The following CNTNAP3 variants were observed in gnomAD, a reference collection of about 807,000 sequenced individuals.
CNTNAP3 encodes the protein contactin associated protein family member 3, also known as contactin-associated protein-like 3.
A neutral mutation model predicts 92.1 loss-of-function variants in CNTNAP3; 36 were observed. The ratio of observed to expected loss-of-function variants is 0.39; its 90% CI spans 0.30 to 0.52. CNTNAP3 has a LOEUF of 0.52. CNTNAP3 is among the 20% of genes least tolerant of loss of function. The pLI is 0.76. For synonymous variants in CNTNAP3, 232 were observed against 422.3 expected, an observed-to-expected ratio of 0.55 and a Z score of 5.53; for missense variants, 534 against 1,069.6, an observed-to-expected ratio of 0.50 and a Z score of 6.98.
chr9:39,131,682 C>G (rs894685447), intron 13 of CNTNAP3, among the ~76,000 whole-genome samples: 6 of 152,182 alleles, frequency 3.9e-5, no homozygotes, highest in Non-Finnish European at 8.8e-5. Context: ...AAAAATTAGC[C>G]GGGCATGGCG....
chr9:39,148,217 G>GA (rs1478580842), intron 10 of CNTNAP3, among the ~76,000 whole-genome samples: 2 of 152,104 alleles, frequency 1.3e-5, no homozygotes, highest in East Asian at 3.8e-4. Flanking sequence ...GGTCAAGAAT[G>GA]AGAGGTACTT....
chr9:39,133,959 C>T (rs531688247), intron 12 of CNTNAP3, among the ~76,000 whole-genome samples: 11 of 152,130 alleles, frequency 7.2e-5, no homozygotes, highest in South Asian at 4.2e-4. Flanking sequence ...AAAAATTTTC[C>T]GAACTGGAGA....
chr9:39,076,624 TTACTCTTG>T (rs1259784124), intron 23 of CNTNAP3, among the ~76,000 whole-genome samples: 1 of 152,306 alleles, frequency 6.6e-6, no homozygotes, highest in Non-Finnish European at 1.5e-5. Context: ...CACAACTAGT[TTACTCTTG>T]TATGTGCTAT....
chr9:39,132,527 C>T (rs73458411), intron 13 of CNTNAP3, among the ~76,000 whole-genome samples: 3,501 of 152,140 alleles, frequency 0.023, 140 homozygotes, highest in African/African-American at 0.079. Flanking sequence ...AGGAAACAAA[C>T]GTTCCAGGTA....
rs372596957 is a variant in CNTNAP3 at position 39,095,719 on chromosome 9, A to C, written c.2995+4192T>G. Among the ~76,000 whole-genome samples the C allele has an allele frequency of 2.6e-3, 366 of 142,454 alleles. 6 individuals carry two copies. In the South Asian group the frequency reaches 0.039, roughly 15 times the overall value. The allele number at this position is 142,454 out of a possible 152,430, so 93.5% of individuals were successfully genotyped here. On this transcript the variant is annotated intron_variant, in intron 18 of 23. Coordinates refer to ENST00000297668, the MANE Select transcript of CNTNAP3 (RefSeq NM_033655.5). ...TAGGTCTTTTAATATATTTCACGAC[A>C]ATGTTTTATTTTCTTTAGTGATTGC...
chr9:39,168,022 G>GT (rs796495690), intron 8 of CNTNAP3, among the ~76,000 whole-genome samples: 3,335 of 137,042 alleles, frequency 0.024, 179 homozygotes, highest in African/African-American at 0.08. Flanking sequence ...TTTTGTTTTT[G>GT]TTTTTTTTTT....
At position 39,109,199 on chromosome 9, in the gene CNTNAP3, C is replaced by T; in HGVS notation, c.2326G>A (p.Ala776Thr). The change falls in exon 15 of 24, where the codon GCA becomes ACA. Residue 776 changes from alanine to threonine, a missense_variant. Transcript: ENST00000297668. ...AGCAGTGGCCCCAGTGTATAAGCTG[C>T]TTCGGAATGTGGTCGGCCTGCGTCT... is the stretch of plus-strand genomic sequence containing the variant. The part of the protein sequence containing the change: ...MTDAGRPHSE[A>T]AYTLGPLLCR... 1 of 1,613,006 alleles carries T rather than the reference C, an allele frequency of 6.2e-7. No individual in the cohort carries two copies. Among genetic ancestry groups the T allele is most frequent in the Non-Finnish European group, 8.5e-7 (1 of 1,179,796 alleles).
At chr9:39,174,344 T>TG (rs1822291890) in intron 7 of CNTNAP3, 1 of 558,044 alleles carries the variant, frequency 1.8e-6, no homozygotes, top group South Asian at 2.0e-5. Flanking sequence ...AGCAGGGTGC[T>TG]GTTCATAGTA....
At chr9:39,084,473 C>T (rs1158720580) in intron 21 of CNTNAP3, among the ~76,000 whole-genome samples, 9 of 152,126 alleles carry the variant, frequency 5.9e-5, no homozygotes, top group African/African-American at 1.9e-4. Flanking sequence ...GGATTACAGG[C>T]GTAAGCCACC....
At chr9:39,149,678 C>G (rs1485019488) in intron 10 of CNTNAP3, 128 bp downstream of exon 10, 2 of 1,117,972 alleles carry the variant, frequency 1.8e-6, no homozygotes, top group Non-Finnish European at 2.5e-6. Context: ...GTAATTATGA[C>G]TATTTCATTC....
In CNTNAP3 at chr9:39,067,444, C is replaced by T; in HGVS notation, c.*6446G>A. On this transcript the variant is annotated 3_prime_UTR_variant, in exon 24 of 24. Transcript: ENST00000297668. ...ATGGAGTCTGGCTCTGTTGCCCAGG[C>T]TGGAGTGCAATGGCGCAATCTCGGC... Among the ~76,000 whole-genome samples, 1 of 152,312 alleles carries T rather than the reference C, an allele frequency of 6.6e-6. No individual in the cohort carries two copies. The highest frequency in any genetic ancestry group is 1.5e-5 in the Non-Finnish European group (1 of 68,058).
intron 13 of CNTNAP3, among the ~76,000 whole-genome samples, chr9:39,119,894 G>A (rs1820966660): frequency 6.6e-6 from 1 of 152,100 alleles, no homozygotes; most frequent in African/African-American, 2.4e-5. Context: ...CTGAACTTGA[G>A]GACCCATCAA....
rs1825563073 is a variant in CNTNAP3, at chr9:39,068,552, T to C, written c.*5338A>G. On this transcript the variant is annotated 3_prime_UTR_variant, in exon 24 of 24. Coordinates refer to ENST00000297668, the MANE Select transcript of CNTNAP3 (RefSeq NM_033655.5). ...GTTGATAAATGCCGCTGTAATTCTT[T>C]TGAGTGTTTCTTTCCCTTGCCTCAG... is the stretch of plus-strand genomic sequence containing the variant. Among the ~76,000 whole-genome samples, 1 of 152,286 alleles carries C rather than the reference T, an allele frequency of 6.6e-6. No homozygotes were observed. The highest frequency in any genetic ancestry group is 2.4e-5 in the African/African-American group (1 of 41,466).
intron 15 of CNTNAP3, among the ~76,000 whole-genome samples, chr9:39,108,611 G>A (rs1826664266): frequency 2.0e-5 from 3 of 152,302 alleles, no homozygotes; most frequent in East Asian, 1.9e-4. Context: ...TGTGGTTCCC[G>A]TGCTACGCAG....
chr9:39,143,526 C>A (rs540009978), intron 11 of CNTNAP3, among the ~76,000 whole-genome samples: 2 of 152,242 alleles, frequency 1.3e-5, no homozygotes, highest in East Asian at 3.9e-4. Flanking sequence ...CTCTTTCTGT[C>A]CTCAACTCTG....
Position 39,087,755 on chromosome 9 carries a change from C to T in CNTNAP3, c.3220+668G>A, listed in dbSNP as rs558599342. 1.1e-3 allele frequency among the ~76,000 whole-genome samples: 174 copies of T among 151,964 alleles called. 2 individuals carry two copies. The highest frequency in any genetic ancestry group is 3.8e-3 in the African/African-American group (156 of 41,482). On this transcript the variant is annotated intron_variant, in intron 19 of 23. Coordinates refer to ENST00000297668, the MANE Select transcript of CNTNAP3 (RefSeq NM_033655.5). Reference sequence around the variant, plus strand: ...CCTGCCTTGGCCTCCCAAAGTGCTGCGATTACAGGCGTGAGCCACCACATC... The same window carrying T: ...CCTGCCTTGGCCTCCCAAAGTGCTGTGATTACAGGCGTGAGCCACCACATC...
intron 10 of CNTNAP3, among the ~76,000 whole-genome samples, chr9:39,148,607 G>A (rs1457653766): frequency 6.6e-6 from 1 of 150,494 alleles, no homozygotes; most frequent in East Asian, 2.0e-4. Context: ...TTCACTGCAA[G>A]CTCCGCCTCC....
At chr9:39,092,522 A>G (rs1826228648) in intron 18 of CNTNAP3, among the ~76,000 whole-genome samples, 2 of 135,450 alleles carry the variant, frequency 1.5e-5, no homozygotes, top group South Asian at 5.0e-4. Flanking sequence ...ATTTCCACAT[A>G]TTTGTGATAT....
chr9:39,102,784 A>C, intron 16 of CNTNAP3, 69 bp from the exon 17 acceptor site: 2 of 866,116 alleles, frequency 2.3e-6, no homozygotes, highest in South Asian at 3.3e-5. Flanking sequence ...CAGACACAGG[A>C]AAACATGAAG....
Sources: gnomAD v4.1 joint callset for allele counts (sites outside exome capture counted in the v4.1 genomes callset) on GRCh38, gnomAD v4.1.1 for gene constraint, MANE v1.5 for transcripts, NCBI Gene and HGNC (gene_info 2026-07-23, HGNC 2026-07-21) for gene names.